ADCY5: variants seen among roughly 807,000 people sequenced by gnomAD.
ADCY5 encodes the protein adenylate cyclase 5.
Under a neutral mutation model 119.7 loss-of-function variants are expected in ADCY5, and 30 were observed. The ratio of observed to expected loss-of-function variants is 0.25; its 90% confidence interval spans 0.19 to 0.34. The LOEUF (loss-of-function observed/expected upper bound fraction) is 0.34, where lower values mean the gene tolerates loss of function less well. Among genes scored for constraint, ADCY5 ranks in the 10% least tolerant of loss-of-function variants. The pLI, the probability that ADCY5 is intolerant of heterozygous loss-of-function variation, is 1.00. For missense variants in ADCY5, 1,324 were observed against 1,775.2 expected (o/e 0.75, Z 4.57); for synonymous variants, 753 against 762.2 (o/e 0.99, Z 0.20).
intron 1 of ADCY5, among the ~76,000 whole-genome samples, chr3:123,396,079 G>A (rs1393880018): frequency 1.1e-3 from 52 of 47,534 alleles, no homozygotes; most frequent in East Asian, 2.4e-3. Flanking sequence ...GGAGAGGGAG[G>A]GAGGGAAGGA....
chr3:123,330,689 T>C (rs945688656), intron 5 of ADCY5, among the ~76,000 whole-genome samples, 200 bp downstream of exon 5: 3 of 152,232 alleles, frequency 2.0e-5, no homozygotes, highest in African/African-American at 7.2e-5. Flanking sequence ...CTGCCCAGGC[T>C]GCTGTAGGGA....
At chr3:123,395,992 CAGAA>C (rs1208679742) in intron 1 of ADCY5, among the ~76,000 whole-genome samples, 6 of 71,868 alleles carry the variant, frequency 8.3e-5, no homozygotes, top group African/African-American at 1.3e-4. Context: ...AAGAAAGAAA[CAGAA>C]AGAAAGAAAG....
chr3:123,414,191 C>A (rs916512839), intron 1 of ADCY5, among the ~76,000 whole-genome samples: 7 of 152,166 alleles, frequency 4.6e-5, no homozygotes, highest in Admixed American at 1.3e-4. Context: ...TCCACCCCAG[C>A]CTTCTCTGCT....
chr3:123,340,086 C>T (rs535762867), intron 3 of ADCY5, among the ~76,000 whole-genome samples: 3 of 152,148 alleles, frequency 2.0e-5, no homozygotes, highest in South Asian at 2.1e-4. Flanking sequence ...GCCCAGGAGT[C>T]GGAGGCCGGT....
At chr3:123,316,677 C>T (rs1940925621) in intron 11 of ADCY5, among the ~76,000 whole-genome samples, 1 of 152,164 alleles carries the variant, frequency 6.6e-6, no homozygotes, top group South Asian at 2.1e-4. Context: ...TGAGTAGACC[C>T]TGGCTACAAA....
At chr3:123,353,901 C>T (rs373291950) in intron 1 of ADCY5, among the ~76,000 whole-genome samples, 2 of 152,118 alleles carry the variant, frequency 1.3e-5, no homozygotes, top group Admixed American at 6.6e-5. Context: ...GGTGTGTGTG[C>T]CCCGGTCCAT....
chr3:123,416,119 G>T lies in ADCY5; in HGVS notation c.1134+31293C>A, dbSNP rs1351465575. Reference sequence around the variant, plus strand: ...GTGTCCAAGAAGGTGGAAGGGCAAAGGAGAAGGAGAATCAGCAGAAAGGGA... The same window carrying T: ...GTGTCCAAGAAGGTGGAAGGGCAAATGAGAAGGAGAATCAGCAGAAAGGGA... On this transcript the variant is annotated intron_variant, in intron 1 of 20. Coordinates refer to ENST00000462833, the MANE Select transcript of ADCY5 (RefSeq NM_183357.3). 8.5e-6 allele frequency: 13 copies of T among 1,522,714 alleles called. No individual in the cohort carries two copies. The Admixed American group carries it at 2.6e-4, about 30-fold the overall frequency. 94.3% of individuals were successfully genotyped at this position (1,522,714 alleles called of 1,614,324 possible). A position where few individuals can be genotyped will look rare whatever the true frequency, so the allele number is the denominator to read the frequency against.
rs1464535997 is a variant in ADCY5, at chr3:123,346,610, T to TCTCTCTCTCTCC, written c.1406+1171_1406+1172insGGAGAGAGAGAG. ...CCCTACTGCTGTCAGCCTCACCTTCTCTCTCTCTCTCTCTCTCTCTCTCTC... is the reference window on the plus strand; with the variant it reads ...CCCTACTGCTGTCAGCCTCACCTTCTCTCTCTCTCTCCCTCTCTCTCTCTCTCTCTCTCTCTC... On this transcript the variant is annotated intron_variant, in intron 3 of 20. Coordinates refer to ENST00000462833, the MANE Select transcript of ADCY5 (RefSeq NM_183357.3). Among the ~76,000 whole-genome samples, 4 of 36,744 alleles carry TCTCTCTCTCTCC rather than the reference T, an allele frequency of 1.1e-4. No individual in the cohort carries two copies. The East Asian group carries it at 1.6e-3, about 14-fold the overall frequency. The allele number at this position is 36,744 out of a possible 152,430, so 24.1% of individuals were successfully genotyped here. A position where few individuals can be genotyped will look rare whatever the true frequency, so the allele number is the denominator to read the frequency against.
chr3:123,413,297 C>T (rs1462424341), intron 1 of ADCY5, among the ~76,000 whole-genome samples: 1 of 152,206 alleles, frequency 6.6e-6, no homozygotes, highest in Non-Finnish European at 1.5e-5. Context: ...CTGAAGCAGG[C>T]AGGAGCACTT....
chr3:123,309,430 T>A (rs1179844725), intron 12 of ADCY5, among the ~76,000 whole-genome samples: 1 of 152,238 alleles, frequency 6.6e-6, no homozygotes, highest in African/African-American at 2.4e-5. Flanking sequence ...GGCAGTGTCC[T>A]GGAGGGGAGG....
intron 1 of ADCY5, among the ~76,000 whole-genome samples, chr3:123,368,524 G>T (rs1184269522): frequency 6.6e-6 from 1 of 152,214 alleles, no homozygotes; most frequent in Non-Finnish European, 1.5e-5. Flanking sequence ...TTGAACCCAG[G>T]AGGCTGAACT....
intron 12 of ADCY5, among the ~76,000 whole-genome samples, chr3:123,310,927 C>T (rs1018853536): frequency 7.2e-5 from 11 of 152,132 alleles, no homozygotes; most frequent in Non-Finnish European, 1.6e-4. Flanking sequence ...ATAAAAAGGC[C>T]ACCAGAGCAC....
chr3:123,447,727 C>T lies in ADCY5; in HGVS notation c.819G>A (p.Val273=), dbSNP rs1423817795. Residue 273 remains valine (V), a synonymous_variant, in exon 1 of 21, where the codon GTG becomes GTA. Transcript: ENST00000462833. ...RPPLQLPYLA[V]LAAAVGVILI... ...GGATCACGCCGACGGCGGCCGCCAG[C>T]ACGGCCAGGTAGGGCAGCTGGAGCG... 6.3e-7 allele frequency: 1 copy of T among 1,600,000 alleles called. No homozygotes were observed. Among genetic ancestry groups the T allele is most frequent in the South Asian group, 1.1e-5 (1 of 89,938 alleles).
At chr3:123,366,887 C>T (rs1331103154) in intron 1 of ADCY5, among the ~76,000 whole-genome samples, 2 of 152,206 alleles carry the variant, frequency 1.3e-5, no homozygotes, top group African/African-American at 2.4e-5. Flanking sequence ...CCACCTGGGA[C>T]AGTCCATGGA....
intron 1 of ADCY5, among the ~76,000 whole-genome samples, chr3:123,359,331 AATATATATATAT>A (rs57105101): frequency 0.011 from 1,186 of 109,712 alleles, 70 homozygotes; most frequent in Non-Finnish European, 0.015. Context: ...CTTATACTAA[AATATATATATAT>A]ATATATATAT....
chr3:123,329,565 C>A (rs1941662574), intron 5 of ADCY5, among the ~76,000 whole-genome samples: 1 of 152,180 alleles, frequency 6.6e-6, no homozygotes, highest in African/African-American at 2.4e-5. Context: ...CCAGCATCTG[C>A]AGGAGAGGGT....
chr3:123,300,012 A>G (rs939735716), intron 15 of ADCY5, 108 bp downstream of exon 15: 4 of 1,213,820 alleles, frequency 3.3e-6, no homozygotes, highest in Non-Finnish European at 4.6e-6. Context: ...GGAACAAGAT[A>G]CTCTCCTCGC....
At chr3:123,426,538 G>C (rs924681459) in intron 1 of ADCY5, among the ~76,000 whole-genome samples, 1 of 151,970 alleles carries the variant, frequency 6.6e-6, no homozygotes, top group Non-Finnish European at 1.5e-5. Context: ...ATTGGCGCAG[G>C]CTGGTCTCAA....
chr3:123,396,532 A>AAAAGAAAGAAAG (rs370071235), intron 1 of ADCY5, among the ~76,000 whole-genome samples: 13 of 137,894 alleles, frequency 9.4e-5, no homozygotes, highest in African/African-American at 3.7e-4. Flanking sequence ...AGAGAGAAAG[A>AAAAGAAAGAAAG]AAAGAAAGAA....
Sources: gnomAD v4.1 joint callset for allele counts (sites outside exome capture counted in the v4.1 genomes callset) on GRCh38, gnomAD v4.1.1 for gene constraint, MANE v1.5 for transcripts, NCBI Gene and HGNC (gene_info 2026-07-23, HGNC 2026-07-21) for gene names.